FASTKD1: variants seen among roughly 807,000 people sequenced by gnomAD.
FASTKD1 encodes the protein FAST kinase domains 1.
In FASTKD1, 94 loss-of-function variants were observed where a neutral mutation model predicts 90.9. That is an observed-to-expected ratio of 1.03 (90% CI 0.88 to 1.23). The LOEUF (loss-of-function observed/expected upper bound fraction) is 1.23. Ranked by LOEUF, FASTKD1 falls within the 50% of genes most tolerant of loss-of-function variation. The pLI is 0.00. For synonymous variants in FASTKD1, 319 were observed against 345.8 expected (o/e 0.92, Z 0.86); for missense variants, 945 against 993.5 (o/e 0.95, Z 0.66).
Position 169,531,344 on chromosome 2 carries a change from T to G in FASTKD1, c.2327+8A>C. The G allele has an allele frequency of 6.2e-7, 1 of 1,612,814 alleles. No individual in the cohort carries two copies. Among genetic ancestry groups the G allele is most frequent in the Non-Finnish European group, 8.5e-7 (1 of 1,179,080 alleles). ...ATTAATACAATCTAAAACTAAGAAA[T>G]AAATTACCTTTCAGCCCCTGGTGGC... On this transcript the variant is annotated splice_region_variant and intron_variant, in intron 13 of 14. Transcript: ENST00000453153.
At position 169,572,022 on chromosome 2, in the gene FASTKD1, T is replaced by G. The variant is rs760636699; in HGVS notation, c.8A>C (p.Lys3Thr). 23 of 1,566,778 alleles carry G rather than the reference T, an allele frequency of 1.5e-5. No homozygotes were observed. The highest frequency in any genetic ancestry group is 1.9e-5 in the Non-Finnish European group (22 of 1,157,064). ...CAATGACTCTAGGAAAACAGGTGTT[T>G]TTTTCATTTATATCACAAGTTTTCT... MK[K>T]TPVFLESLVT... is the part of the protein sequence containing the mutation. Residue 3 changes from lysine (K) to threonine (T), a missense_variant, in exon 2 of 15, where the codon AAA becomes ACA. Physicochemically the swap from Lys to Thr is moderately conservative, Grantham distance 78 (BLOSUM62 -1). Transcript: ENST00000453153.
In FASTKD1 at chr2:169,530,646, T is replaced by C. The variant is rs1259219823; in HGVS notation, c.2383A>G (p.Lys795Glu). ...KALCRNIPHM[K>E]GKSAMKKRHL... ...CGTTTTTTCATAGCAGATTTTCCTT[T>C]CATGTGAGGGATATTTCTACAAAGT... The change falls in exon 14 of 15, where the codon AAA becomes GAA. Residue 795 changes from lysine (K) to glutamate (E), a missense_variant. Transcript: ENST00000453153. 9 of 1,610,608 alleles carry C rather than the reference T, an allele frequency of 5.6e-6. No homozygotes were observed. The highest frequency in any genetic ancestry group is 1.1e-5 in the South Asian group (1 of 89,908).
intron 12 of FASTKD1, among the ~76,000 whole-genome samples, chr2:169,533,753 G>C (rs909999726): frequency 3.3e-5 from 5 of 152,130 alleles, no homozygotes; most frequent in African/African-American, 1.2e-4. Context: ...AAAAGATGTT[G>C]TATAAGCATA....
Position 169,560,563 on chromosome 2 carries a change from C to A in FASTKD1, c.795G>T (p.Leu265Phe). Residue 265 changes from leucine to phenylalanine, a missense_variant, in exon 5 of 15, where the codon TTG becomes TTT. By Grantham distance (22) the Leu-to-Phe change is conservative (BLOSUM62 0). Coordinates refer to ENST00000453153, the MANE Select transcript of FASTKD1 (RefSeq NM_024622.6). ...CACTAAGTATTTTACTGATGGAATC[C>A]AAATCAAGGTGGTCCACATTACTTA... is the stretch of plus-strand genomic sequence containing the variant. ...VFLSNVDHLD[L>F]DSISKILSVY... 1 of 1,603,592 alleles carries A rather than the reference C, an allele frequency of 6.2e-7. No homozygotes were observed. Among genetic ancestry groups the A allele is most frequent in the Non-Finnish European group, 8.5e-7 (1 of 1,175,872 alleles).
chr2:169,569,222 A>G lies in FASTKD1; in HGVS notation c.408T>C (p.Val136=), dbSNP rs1684127774. The G allele has an allele frequency of 6.2e-7, 1 of 1,614,096 alleles. No individual in the cohort carries two copies. The stretch of plus-strand genomic sequence containing the variant: ...TCCATGCTTCTGTAACTAGTGCTTC[A>G]ACTAGCGGGTCATGGGCCTCACCAG... The part of the protein sequence containing the change: ...QFAGEAHDPL[V]EALVTEAWRR... Residue 136 remains valine (V), a synonymous_variant, in exon 3 of 15, where the codon GTT becomes GTC. Coordinates refer to ENST00000453153, the MANE Select transcript of FASTKD1 (RefSeq NM_024622.6).
intron 8 of FASTKD1, among the ~76,000 whole-genome samples, chr2:169,545,638 G>T (rs1232334565): frequency 1.3e-5 from 2 of 152,194 alleles, no homozygotes; most frequent in African/African-American, 2.4e-5. Flanking sequence ...TAAGAATATA[G>T]TTGCCAATGG....
intron 3 of FASTKD1, among the ~76,000 whole-genome samples, chr2:169,564,662 T>C (rs1318320168): frequency 6.6e-6 from 1 of 152,030 alleles, no homozygotes; most frequent in Non-Finnish European, 1.5e-5. Flanking sequence ...AAATAGTAGG[T>C]CTTATTCATT....
intron 3 of FASTKD1, among the ~76,000 whole-genome samples, chr2:169,566,127 A>C (rs1053571727): frequency 6.6e-6 from 1 of 151,774 alleles, no homozygotes; most frequent in Non-Finnish European, 1.5e-5. Context: ...CCTTCTGTGT[A>C]CTCTCGCTTC....
At position 169,531,037 on chromosome 2, in the gene FASTKD1, T is replaced by C. The variant is rs555463182; in HGVS notation, c.2327+315A>G. 7.5e-6 allele frequency: 5 copies of C among 667,658 alleles called. 1 individual carries two copies. The highest frequency in any genetic ancestry group is 5.5e-5 in the South Asian group (4 of 72,884). The allele number at this position is 667,658 out of a possible 1,614,324, so 41.4% of individuals were successfully genotyped here. A position where few individuals can be genotyped will look rare whatever the true frequency, so the allele number is the denominator to read the frequency against. On this transcript the variant is annotated intron_variant, in intron 13 of 14. Transcript: ENST00000453153. ...GAACACATGATGTATAGTAAGTTACTGTAATGCAGTGTAGGAAGTGGCTAA... is the reference window on the plus strand; with the variant it reads ...GAACACATGATGTATAGTAAGTTACCGTAATGCAGTGTAGGAAGTGGCTAA...
At position 169,530,830 on chromosome 2, in the gene FASTKD1, G is replaced by C. The variant is rs540122192; in HGVS notation, c.2328-129C>G. 8.7e-5 allele frequency: 56 copies of C among 646,444 alleles called. 1 individual carries two copies. In the East Asian group the frequency reaches 1.5e-3, roughly 17 times the overall value. 40.0% of individuals were successfully genotyped at this position (646,444 alleles called of 1,614,324 possible). ...CAATGAATATAAATGAGTATATCAA[G>C]TTATGTTTCTACTAAGAAATTAGTA... On this transcript the variant is annotated intron_variant, in intron 13 of 14. Transcript: ENST00000453153.
rs538415097 is a variant in FASTKD1 at position 169,562,154 on chromosome 2, A to G, written c.572+1071T>C. On this transcript the variant is annotated intron_variant, in intron 4 of 14. Transcript: ENST00000453153. ...TTATTTATTAATTTATTGTAAATTA[A>G]TTATTTATTAATTTATTTTTTGGTT... 8.1e-4 allele frequency among the ~76,000 whole-genome samples: 120 copies of G among 147,250 alleles called. 3 individuals carry two copies. Among genetic ancestry groups the G allele is most frequent in the Admixed American group, 5.4e-3 (78 of 14,556 alleles).
intron 10 of FASTKD1, among the ~76,000 whole-genome samples, chr2:169,538,751 A>C (rs1684840699): frequency 6.6e-6 from 1 of 151,970 alleles, no homozygotes; most frequent in Non-Finnish European, 1.5e-5. Flanking sequence ...TTTTATCCTA[A>C]GGAAACAATG....
intron 7 of FASTKD1, among the ~76,000 whole-genome samples, chr2:169,552,433 A>C (rs945403593): frequency 6.6e-6 from 1 of 152,208 alleles, no homozygotes; most frequent in African/African-American, 2.4e-5. Context: ...GTATGTTTAC[A>C]GCAGCACAAT....
At chr2:169,562,165 ATTTATT>A in intron 4 of FASTKD1, among the ~76,000 whole-genome samples, 2 of 147,618 alleles carry the variant, frequency 1.4e-5, no homozygotes, top group African/African-American at 4.9e-5. Context: ...TTATTTATTA[ATTTATT>A]TTTTGGTTTT....
chr2:169,561,865 AATT>A (rs1375081759), intron 4 of FASTKD1, among the ~76,000 whole-genome samples: 5 of 19,000 alleles, frequency 2.6e-4, no homozygotes, highest in South Asian at 2.0e-3. Context: ...ATTGTAAAAT[AATT>A]ATTTATTAAT....
chr2:169,564,805 G>A (rs996049655), intron 3 of FASTKD1, among the ~76,000 whole-genome samples: 1 of 151,906 alleles, frequency 6.6e-6, no homozygotes, highest in African/African-American at 2.4e-5. Context: ...TCCCACAAAT[G>A]AGTGAAAGCA....
chr2:169,539,944 G>A, intron 10 of FASTKD1, 107 bp downstream of exon 10: 1 of 602,994 alleles, frequency 1.7e-6, no homozygotes, highest in East Asian at 3.3e-5. Flanking sequence ...AATACTATTA[G>A]AAACAGAAAA....
chr2:169,562,928 T>C (rs894420346), intron 4 of FASTKD1, among the ~76,000 whole-genome samples: 11 of 152,100 alleles, frequency 7.2e-5, no homozygotes, highest in Non-Finnish European at 7.4e-5. Context: ...TCTCAGGCCT[T>C]CCTACGGCAC....
At chr2:169,570,806 G>A (rs762103642) in intron 2 of FASTKD1, among the ~76,000 whole-genome samples, 7 of 151,668 alleles carry the variant, frequency 4.6e-5, no homozygotes, top group Non-Finnish European at 8.8e-5. Flanking sequence ...CTCCAGAGTA[G>A]CTGGGATTCC....
Sources: allele counts gnomAD v4.1 joint callset (sites outside exome capture counted in the v4.1 genomes callset), GRCh38; gene constraint gnomAD v4.1.1; transcripts MANE v1.5; gene names NCBI Gene and HGNC (gene_info 2026-07-23, HGNC 2026-07-21).